The following CEP170 variants were observed in gnomAD, a reference collection of about 807,000 sequenced individuals.
The protein encoded by CEP170 is centrosomal protein of 170 kDa.
Under a neutral mutation model 151.9 loss-of-function variants are expected in CEP170, and 21 were observed. That is an observed-to-expected ratio of 0.14 (90% CI 0.10 to 0.20). CEP170 has a LOEUF of 0.20. Ranked by LOEUF, CEP170 falls within the 10% of genes least tolerant of loss-of-function variation. CEP170 has a pLI of 1.00. For synonymous variants in CEP170, 356 were observed against 648.8 expected (o/e 0.55, Z 6.86); for missense variants, 964 against 1,892.9 (o/e 0.51, Z 9.11).
At chr1:243,139,216 C>T (rs2055525302) in intron 16 of CEP170, among the ~76,000 whole-genome samples, 1 of 152,038 alleles carries the variant, frequency 6.6e-6, no homozygotes, top group South Asian at 2.1e-4. Context: ...ATTCTCCTGC[C>T]TCAGCCTCCT....
At chr1:243,147,373 C>T (rs1159598866) in intron 14 of CEP170, among the ~76,000 whole-genome samples, 1 of 152,204 alleles carries the variant, frequency 6.6e-6, no homozygotes, top group African/African-American at 2.4e-5. Context: ...TTAGACAGCA[C>T]ATAATTTTAA....
At chr1:243,235,661 T>G (rs1176398891) in intron 1 of CEP170, among the ~76,000 whole-genome samples, 2 of 150,952 alleles carry the variant, frequency 1.3e-5, no homozygotes. Flanking sequence ...GCAACTTAAA[T>G]CTGATATAGC....
intron 14 of CEP170, among the ~76,000 whole-genome samples, chr1:243,147,026 G>C (rs1287080460): frequency 6.6e-6 from 1 of 150,726 alleles, no homozygotes; most frequent in Non-Finnish European, 1.5e-5. Flanking sequence ...CAGTATCATT[G>C]GCTACGAAGC....
rs1192059362 is a variant in CEP170 at position 243,191,161 on chromosome 1, A to C, written c.965T>G (p.Ile322Ser). ...SSPGTQDLLG[I>S]QTGMMAPENK... ...TTCGGGTGCCATCATTCCTGTTTGA[A>C]TCCCCAGCAAGTCTTGAGTTCCAGG... is the stretch of plus-strand genomic sequence containing the variant. The change falls in exon 8 of 20, where the codon ATT (isoleucine) becomes AGT (serine). Residue 322 changes from isoleucine to serine, a missense_variant. Physicochemically the swap from Ile to Ser is moderately radical, Grantham distance 142 (BLOSUM62 -2). Coordinates refer to ENST00000366542, the MANE Select transcript of CEP170 (RefSeq NM_014812.3). The C allele has an allele frequency of 2.5e-6, 4 of 1,612,720 alleles. No homozygotes were observed. In the South Asian group the frequency reaches 4.4e-5, roughly 18 times the overall value.
Position 243,169,765 on chromosome 1 carries a change from A to G in CEP170, c.1717-11T>C. 2 of 1,595,590 alleles carry G rather than the reference A, an allele frequency of 1.3e-6. No homozygotes were observed. The highest frequency in any genetic ancestry group is 8.5e-7 in the Non-Finnish European group (1 of 1,175,356). On this transcript the variant is annotated splice_polypyrimidine_tract_variant and intron_variant, in intron 11 of 19. Transcript: ENST00000366542. Reference sequence around the variant, plus strand: ...TGAAGATGTGCCTTCCTAAAGGAGAAAAATAAGAAAACAAAATCATGCAGC... The same window carrying G: ...TGAAGATGTGCCTTCCTAAAGGAGAGAAATAAGAAAACAAAATCATGCAGC...
chr1:243,158,627 T>A (rs1370872166), intron 13 of CEP170, among the ~76,000 whole-genome samples: 1 of 152,182 alleles, frequency 6.6e-6, no homozygotes, highest in Non-Finnish European at 1.5e-5. Flanking sequence ...CTTTTAATAG[T>A]CTGAGCTTAG....
chr1:243,234,168 C>A (rs1351112719), intron 1 of CEP170, among the ~76,000 whole-genome samples: 1 of 152,148 alleles, frequency 6.6e-6, no homozygotes, highest in Non-Finnish European at 1.5e-5. Flanking sequence ...GCTGGCCTCA[C>A]ATTAGGACTA....
At chr1:243,134,841 T>C (rs1033425616) in intron 17 of CEP170, among the ~76,000 whole-genome samples, 16 of 152,012 alleles carry the variant, frequency 1.1e-4, no homozygotes, top group African/African-American at 3.6e-4. Context: ...GCCAATCAAA[T>C]ATGGAGGGGT....
At chr1:243,170,898 C>A (rs1212072036) in intron 11 of CEP170, among the ~76,000 whole-genome samples, 1 of 152,212 alleles carries the variant, frequency 6.6e-6, no homozygotes, top group East Asian at 1.9e-4. Context: ...TTTTCTGTTA[C>A]CTGCCCACAT....
At chr1:243,180,629 G>T (rs2059561558) in intron 10 of CEP170, among the ~76,000 whole-genome samples, 1 of 152,164 alleles carries the variant, frequency 6.6e-6, no homozygotes, top group African/African-American at 2.4e-5. Context: ...CTTCTACATA[G>T]ATTTTGATTC....
At chr1:243,253,819 T>C (rs1337638414) in intron 1 of CEP170, among the ~76,000 whole-genome samples, 5 of 152,240 alleles carry the variant, frequency 3.3e-5, no homozygotes, top group African/African-American at 9.6e-5. Flanking sequence ...GATTAAATCA[T>C]TTTAAAATAT....
chr1:243,145,875 G>A (rs1048543448), intron 14 of CEP170, among the ~76,000 whole-genome samples: 5 of 152,198 alleles, frequency 3.3e-5, no homozygotes, highest in African/African-American at 1.2e-4. Context: ...AATGTAAAAT[G>A]AGTTTAAGGA....
intron 4 of CEP170, among the ~76,000 whole-genome samples, chr1:243,201,414 G>A (rs2061022125): frequency 6.6e-6 from 1 of 152,120 alleles, no homozygotes; most frequent in African/African-American, 2.4e-5. Flanking sequence ...ATACCAAGAT[G>A]AGATTAGAAC....
chr1:243,215,464 T>C (rs2062186159), intron 3 of CEP170, among the ~76,000 whole-genome samples: 3 of 152,158 alleles, frequency 2.0e-5, no homozygotes, highest in Admixed American at 6.5e-5. Context: ...GGGAGGTCTC[T>C]GAAATGGCCA....
chr1:243,156,011 A>T (rs962643923), intron 14 of CEP170, among the ~76,000 whole-genome samples: 6 of 152,174 alleles, frequency 3.9e-5, no homozygotes, highest in Non-Finnish European at 8.8e-5. Flanking sequence ...AAAATAAATT[A>T]ATTCTACAAT....
At chr1:243,178,580 A>C (rs953637146) in intron 10 of CEP170, among the ~76,000 whole-genome samples, 4 of 152,180 alleles carry the variant, frequency 2.6e-5, no homozygotes, top group African/African-American at 9.7e-5. Context: ...ATGCCCTGAA[A>C]TTAAGATAGT....
intron 10 of CEP170, chr1:243,175,094 T>C (rs1287649399): frequency 1.3e-5 from 2 of 152,224 alleles, no homozygotes; most frequent in Non-Finnish European, 2.9e-5. Flanking sequence ...TTCATTCTAA[T>C]CCACACTAAA....
chr1:243,195,055 A>T (rs2060552963), intron 7 of CEP170, among the ~76,000 whole-genome samples: 1 of 151,866 alleles, frequency 6.6e-6, no homozygotes, highest in Non-Finnish European at 1.5e-5. Context: ...TATTAAACTT[A>T]TTTGAGATGA....
intron 13 of CEP170, among the ~76,000 whole-genome samples, chr1:243,158,495 C>G (rs527823909): frequency 1.3e-5 from 2 of 152,040 alleles, no homozygotes. Flanking sequence ...AGAATGGCAT[C>G]GATGGCTGAT....
Sources: allele counts gnomAD v4.1 joint callset (sites outside exome capture counted in the v4.1 genomes callset), GRCh38; gene constraint gnomAD v4.1.1; transcripts MANE v1.5; gene names NCBI Gene and HGNC (gene_info 2026-07-23, HGNC 2026-07-21).